The following RBPJ variants were observed in gnomAD, a reference collection of about 807,000 sequenced individuals.
RBPJ encodes recombination signal binding protein for immunoglobulin kappa J region, also known as recombining binding protein suppressor of hairless.
Under a neutral mutation model 67.8 loss-of-function variants are expected in RBPJ, and 9 were observed. The observed-to-expected ratio is 0.13, with a 90% CI of 0.08 to 0.23. RBPJ has a LOEUF of 0.23. RBPJ is among the 10% of genes least tolerant of loss of function. The pLI, the probability that RBPJ is intolerant of heterozygous loss-of-function variation, is 1.00. For synonymous variants in RBPJ, 198 were observed against 203.3 expected (o/e 0.97, Z 0.22); for missense variants, 305 against 595.6 (o/e 0.51, Z 5.08).
chr4:26,124,458 A>G, the RBPJ span, among the ~76,000 whole-genome samples: 1 of 105,726 alleles, frequency 9.5e-6, no homozygotes, highest in African/African-American at 3.5e-5. Flanking sequence ...ATATATATAT[A>G]TATACCAGTT....
intron 1 of RBPJ, among the ~76,000 whole-genome samples, chr4:26,200,332 C>T (rs1454247010): frequency 2.0e-5 from 3 of 152,172 alleles, no homozygotes; most frequent in Non-Finnish European, 4.4e-5. Flanking sequence ...AGATGACTAA[C>T]TTCACCAAGG....
chr4:26,424,668 C>A lies in RBPJ; in HGVS notation c.672C>A (p.Val224=), dbSNP rs2109820264. The A allele has an allele frequency of 6.2e-7, 1 of 1,613,636 alleles. No homozygotes were observed. The highest frequency in any genetic ancestry group is 1.7e-4 in the Middle Eastern group (1 of 6,024). ...AATCAGAAGGAGAAGAATTCACAGT[C>A]CGAGATGGCTACATCCATTATGGAC... ...DDESEGEEFT[V]RDGYIHYGQT... Residue 224 remains valine (V), a synonymous_variant, in exon 7 of 11, where the codon GTC becomes GTA. Coordinates refer to ENST00000355476, the MANE Select transcript of RBPJ (RefSeq NM_015874.6). This position sits in a 1 kb window ranked among gnomAD's most constrained non-coding sequence, Gnocchi z 5.3.
intron 2 of RBPJ, among the ~76,000 whole-genome samples, chr4:26,397,648 T>G (rs536108532): frequency 2.6e-5 from 4 of 152,306 alleles, no homozygotes; most frequent in Non-Finnish European, 4.4e-5. Context: ...TGTTGTTGTT[T>G]TTTGAGACAG....
chr4:26,415,687 G>GAA, intron 4 of RBPJ, 47 bp downstream of exon 4: 1 of 1,506,254 alleles, frequency 6.6e-7, no homozygotes, highest in South Asian at 1.3e-5. Context: ...CATGGTACCA[G>GAA]AATGTAGTTT....
At chr4:26,390,619 C>A (rs1731402021) in intron 2 of RBPJ, among the ~76,000 whole-genome samples, 1 of 152,080 alleles carries the variant, frequency 6.6e-6, no homozygotes, top group African/African-American at 2.4e-5. Flanking sequence ...AATTTGAAAG[C>A]AATACAATTT....
At chr4:26,123,733 T>G in the RBPJ span, among the ~76,000 whole-genome samples, 1 of 152,168 alleles carries the variant, frequency 6.6e-6, no homozygotes, top group Non-Finnish European at 1.5e-5. Context: ...TTAAACTTTG[T>G]TGTTAAAAAC....
At chr4:26,214,922 AAGG>A (rs1331788913) in intron 1 of RBPJ, among the ~76,000 whole-genome samples, 3 of 129,514 alleles carry the variant, frequency 2.3e-5, no homozygotes, top group Non-Finnish European at 4.9e-5. Context: ...AAAGAGAAAA[AAGG>A]AAGGAAGGAG....
chr4:26,431,204 A>AG lies in RBPJ; in HGVS notation c.*197_*198insG, dbSNP rs1736201470. On this transcript the variant is annotated 3_prime_UTR_variant, in exon 11 of 11. Coordinates refer to ENST00000355476, the MANE Select transcript of RBPJ (RefSeq NM_015874.6). ...CACAGTAAAAAAAAAAAAAAAAAAA[A>AG]AAAAAAAGAAAAAAAAATCAAAATG... The AG allele has an allele frequency of 4.7e-6, 2 of 426,870 alleles. No homozygotes were observed. Among genetic ancestry groups the AG allele is most frequent in the Non-Finnish European group, 8.2e-6 (2 of 242,812 alleles). The allele number at this position is 426,870 out of a possible 1,614,324, so 26.4% of individuals were successfully genotyped here.
intron 1 of RBPJ, among the ~76,000 whole-genome samples, chr4:26,171,625 A>C (rs1227297617): frequency 6.6e-6 from 1 of 152,246 alleles, no homozygotes; most frequent in Non-Finnish European, 1.5e-5. Context: ...GGAAGAGGAC[A>C]CATTTGAACA....
At chr4:26,183,125 C>T (rs768652401) in intron 1 of RBPJ, among the ~76,000 whole-genome samples, 5 of 152,192 alleles carry the variant, frequency 3.3e-5, no homozygotes, top group Non-Finnish European at 7.3e-5. Flanking sequence ...GCATTACATA[C>T]TGTACATAGT....
intron 1 of RBPJ, among the ~76,000 whole-genome samples, chr4:26,225,896 C>G (rs58784952): frequency 6.6e-6 from 1 of 151,936 alleles, no homozygotes; most frequent in Non-Finnish European, 1.5e-5. Context: ...GCCTGTAATC[C>G]CAGCACTTTG....
At chr4:26,178,607 CAA>C (rs1173498137) in intron 1 of RBPJ, among the ~76,000 whole-genome samples, 3 of 58,728 alleles carry the variant, frequency 5.1e-5, no homozygotes, top group Admixed American at 2.2e-4. Context: ...GACCCCGTAT[CAA>C]AAAAAAAAAA....
At position 26,432,405 on chromosome 4, in the gene RBPJ, CTTTT is replaced by C. The variant is rs1033752409; in HGVS notation, c.*1401_*1404del. On this transcript the variant is annotated 3_prime_UTR_variant, in exon 11 of 11. Transcript: ENST00000355476. Reference sequence around the variant, plus strand: ...CTTATGTTTTCATTTTTTTCTCTGCCTTTTTTGTTTGTTTGTTTTCTCTTTTCCA... The same window carrying C: ...CTTATGTTTTCATTTTTTTCTCTGCCTTGTTTGTTTGTTTTCTCTTTTCCA... 5 of 152,064 alleles carry C rather than the reference CTTTT, an allele frequency of 3.3e-5. No homozygotes were observed. Among genetic ancestry groups the C allele is most frequent in the East Asian group, 1.9e-4 (1 of 5,194 alleles). The allele number at this position is 152,064 out of a possible 1,614,324, so 9.4% of individuals were successfully genotyped here.
intron 1 of RBPJ, among the ~76,000 whole-genome samples, chr4:26,242,456 AAAAAAG>A (rs1239680489): frequency 3.3e-5 from 5 of 151,672 alleles, no homozygotes; most frequent in Admixed American, 6.6e-5. Flanking sequence ...CAAAAAAAAA[AAAAAAG>A]AAAAGAAAAG....
intron 1 of RBPJ, among the ~76,000 whole-genome samples, chr4:26,358,550 G>T (rs773878524): frequency 2.5e-4 from 37 of 149,860 alleles, no homozygotes; most frequent in Non-Finnish European, 5.0e-4. Context: ...CAAGGTAGGA[G>T]GATCACTTGA....
chr4:26,123,211 G>A, the RBPJ span, among the ~76,000 whole-genome samples: 205 of 152,230 alleles, frequency 1.3e-3, no homozygotes, highest in Non-Finnish European at 2.3e-3. Flanking sequence ...TACAAACCTG[G>A]ACAGCATGTG....
chr4:26,178,836 A>C (rs975360217), intron 1 of RBPJ, among the ~76,000 whole-genome samples: 2 of 151,964 alleles, frequency 1.3e-5, no homozygotes, highest in African/African-American at 2.4e-5. Flanking sequence ...TTGGTTTCCA[A>C]ATTTTTTCTA....
chr4:26,337,418 A>G (rs1180451933), intron 1 of RBPJ, among the ~76,000 whole-genome samples: 4 of 151,980 alleles, frequency 2.6e-5, no homozygotes, highest in Non-Finnish European at 5.9e-5. Flanking sequence ...ATTCAGCAGC[A>G]TATTGTTCTT....
chr4:26,277,558 G>A (rs575853365), intron 1 of RBPJ, among the ~76,000 whole-genome samples: 3 of 152,270 alleles, frequency 2.0e-5, no homozygotes, highest in Non-Finnish European at 2.9e-5. Context: ...GTGCCAACCC[G>A]GCCAAGCTAT....
Sources: allele counts gnomAD v4.1 joint callset (sites outside exome capture counted in the v4.1 genomes callset), GRCh38; gene constraint gnomAD v4.1.1; non-coding constraint Gnocchi (gnomAD v3.1); transcripts MANE v1.5; gene names NCBI Gene and HGNC (gene_info 2026-07-23, HGNC 2026-07-21).